Variants in GSE1 observed in about 807,000 individuals in gnomAD.
The protein encoded by GSE1 is genetic suppressor element 1.
Under a neutral mutation model 112.6 loss-of-function variants are expected in GSE1, and 32 were observed. The observed-to-expected ratio is 0.28, with a 90% confidence interval of 0.21 to 0.38. GSE1 has a LOEUF of 0.38. Among genes scored for constraint, GSE1 ranks in the 10% least tolerant of loss-of-function variants. The pLI is 1.00. For synonymous variants in GSE1, 1,115 were observed against 735.6 expected (o/e 1.52, Z -8.35); for missense variants, 2,348 against 1,699.2 (o/e 1.38, Z -6.71).
Position 85,665,967 on chromosome 16 carries a change from C to G in GSE1, c.2759-9C>G. ...TTCTTAATATTTTCCTTCACTTTGT[C>G]TCTAAAAGAACCAGCCACGCAGCAA... is the stretch of plus-strand genomic sequence containing the variant. On this transcript the variant is annotated splice_polypyrimidine_tract_variant and intron_variant, in intron 12 of 15. Coordinates refer to ENST00000253458, the MANE Select transcript of GSE1 (RefSeq NM_014615.5). 1 of 1,612,574 alleles carries G rather than the reference C, an allele frequency of 6.2e-7. No individual in the cohort carries two copies. The highest frequency in any genetic ancestry group is 8.5e-7 in the Non-Finnish European group (1 of 1,179,490).
intron 1 of GSE1, among the ~76,000 whole-genome samples, chr16:85,581,812 C>G (rs371175233): frequency 6.6e-6 from 1 of 152,168 alleles, no homozygotes; most frequent in African/African-American, 2.4e-5. Context: ...CCCAGGGCTG[C>G]GGCTTCCCCT....
chr16:85,533,763 G>A (rs1053788887), intron 2 of GSE1, among the ~76,000 whole-genome samples: 3 of 152,126 alleles, frequency 2.0e-5, no homozygotes, highest in Non-Finnish European at 4.4e-5. Context: ...TACTTGGGAG[G>A]CTGAGGTGGG....
At chr16:85,411,214 C>T (rs2048533337) in intron 2 of GSE1, among the ~76,000 whole-genome samples, 1 of 73,690 alleles carries the variant, frequency 1.4e-5, no homozygotes, top group Non-Finnish European at 2.6e-5. Context: ...CTCAGGGCCC[C>T]CGGATAATCC....
At chr16:85,537,475 A>T (rs1389234837) in intron 2 of GSE1, among the ~76,000 whole-genome samples, 1 of 152,204 alleles carries the variant, frequency 6.6e-6, no homozygotes, top group African/African-American at 2.4e-5. Context: ...ACCTGGGGTC[A>T]ACGGGGCTGC....
intron 2 of GSE1, among the ~76,000 whole-genome samples, chr16:85,545,417 T>G (rs4843463): frequency 0.13 from 20,071 of 152,194 alleles, 1,976 homozygotes; most frequent in African/African-American, 0.28. Context: ...GCCCTTCCTG[T>G]TTTTTGTTTG....
At chr16:85,251,791 C>T (rs1906511866) in intron 1 of GSE1, among the ~76,000 whole-genome samples, 1 of 152,236 alleles carries the variant, frequency 6.6e-6, no homozygotes, top group South Asian at 2.1e-4. Context: ...CAGCAGCTGC[C>T]TGGTGGACTG....
chr16:85,588,854 C>T lies in GSE1; in HGVS notation c.37+32491C>T, dbSNP rs544443998. On this transcript the variant is annotated intron_variant, in intron 1 of 2. Transcript: ENST00000635906. The stretch of plus-strand genomic sequence containing the variant: ...GCCTGCTGCCTCCCAAAACGGCCCT[C>T]GGCCTCTGTACCTACTGCCCTGGGG... Among the ~76,000 whole-genome samples the T allele has an allele frequency of 3.3e-5, 5 of 152,262 alleles. No homozygotes were observed. The South Asian group carries it at 6.2e-4, about 19-fold the overall frequency.
chr16:85,628,701 G>A (rs185070326), intron 1 of GSE1, among the ~76,000 whole-genome samples: 144 of 152,302 alleles, frequency 9.5e-4, no homozygotes, highest in African/African-American at 3.3e-3. Flanking sequence ...TTGAATGTCC[G>A]CCTTTTAAAA....
At chr16:85,659,070 C>T (rs921947649) in intron 8 of GSE1, among the ~76,000 whole-genome samples, 1 of 152,238 alleles carries the variant, frequency 6.6e-6, no homozygotes, top group Non-Finnish European at 1.5e-5. Flanking sequence ...TATTTATTCT[C>T]CTGCAGGTTT....
At chr16:85,631,240 A>T (rs973538981) in intron 1 of GSE1, among the ~76,000 whole-genome samples, 2 of 152,224 alleles carry the variant, frequency 1.3e-5, no homozygotes, top group Non-Finnish European at 2.9e-5. Context: ...TCGGTGACAG[A>T]TAGGACCCGG....
In GSE1 at chr16:85,569,807, G is replaced by A. The variant is rs80259298; in HGVS notation, c.37+13444G>A. 5.9e-5 allele frequency among the ~76,000 whole-genome samples: 9 copies of A among 152,348 alleles called. No homozygotes were observed. In the East Asian group the frequency reaches 1.4e-3, roughly 23 times the overall value. ...AAAGCCTCTGCACTGCATCAGGCCT[G>A]TGTGGGCTTTGCCAGTCTCTCCGGG... On this transcript the variant is annotated intron_variant, in intron 1 of 2. Coordinates refer to the GSE1 transcript ENST00000635906.
At chr16:85,346,220 G>A (rs893150633) in intron 1 of GSE1, among the ~76,000 whole-genome samples, 14 of 144,620 alleles carry the variant, frequency 9.7e-5, no homozygotes, top group Non-Finnish European at 2.0e-4. Context: ...TGGATGCATA[G>A]ATGGAGGGGC....
At chr16:85,567,845 C>A in intron 1 of GSE1, among the ~76,000 whole-genome samples, 1 of 152,176 alleles carries the variant, frequency 6.6e-6, no homozygotes, top group East Asian at 1.9e-4. Context: ...GCCTCAGCCT[C>A]CCAAGTAGCT....
At chr16:85,547,098 C>G (rs572628843) in intron 2 of GSE1, among the ~76,000 whole-genome samples, 1 of 152,336 alleles carries the variant, frequency 6.6e-6, no homozygotes, top group East Asian at 1.9e-4. Flanking sequence ...TTATCTCAAT[C>G]TCAGTCCCTG....
chr16:85,444,929 G>A (rs978829022), intron 2 of GSE1, among the ~76,000 whole-genome samples: 29 of 152,230 alleles, frequency 1.9e-4, no homozygotes, highest in African/African-American at 6.7e-4. Flanking sequence ...TGCCTCCCCC[G>A]CCTCCCCACT....
chr16:85,455,543 A>T (rs1472552916), intron 2 of GSE1, among the ~76,000 whole-genome samples: 4 of 152,170 alleles, frequency 2.6e-5, no homozygotes, highest in Admixed American at 1.3e-4. Flanking sequence ...TATAGCGGCT[A>T]CCCAGGAAAC....
chr16:85,515,498 G>A (rs1291011523), intron 2 of GSE1, among the ~76,000 whole-genome samples: 1 of 152,206 alleles, frequency 6.6e-6, no homozygotes, highest in East Asian at 1.9e-4. Context: ...GCGGAGGGAC[G>A]TGGGGGAAGG....
chr16:85,227,589 G>T (rs552814753), intron 1 of GSE1, among the ~76,000 whole-genome samples: 1 of 152,352 alleles, frequency 6.6e-6, no homozygotes, highest in South Asian at 2.1e-4. Context: ...TCTCTTGGGA[G>T]AGCAGCGGGG....
chr16:85,281,421 A>G (rs1042009109), intron 1 of GSE1, among the ~76,000 whole-genome samples: 6 of 152,082 alleles, frequency 3.9e-5, no homozygotes, highest in African/African-American at 1.2e-4. Flanking sequence ...AAAGGAGATA[A>G]TTATTACTCA....
Sources: allele counts gnomAD v4.1 joint callset (sites outside exome capture counted in the v4.1 genomes callset), GRCh38; gene constraint gnomAD v4.1.1; transcripts MANE v1.5; gene names NCBI Gene and HGNC (gene_info 2026-07-23, HGNC 2026-07-21).